Variants in SGCZ observed in about 807,000 individuals in gnomAD.
SGCZ encodes zeta-sarcoglycan.
In SGCZ, 40 loss-of-function variants were observed where a neutral mutation model predicts 41.3. That is an observed-to-expected ratio of 0.97 (90% CI 0.75 to 1.26). The LOEUF is 1.26. Among genes scored for constraint, SGCZ ranks in the 50% most tolerant of loss-of-function variants. The pLI is 0.00. For missense variants in SGCZ, 552 were observed against 369.8 expected (o/e 1.49, Z -4.04); for synonymous variants, 206 against 137.5 (o/e 1.50, Z -3.49).
At chr8:14,527,498 T>G (rs1185736853) in intron 2 of SGCZ, among the ~76,000 whole-genome samples, 1 of 152,086 alleles carries the variant, frequency 6.6e-6, no homozygotes, top group Non-Finnish European at 1.5e-5. Flanking sequence ...AGTGACAAGT[T>G]CTCACTATTT....
In SGCZ at chr8:15,015,627, G is replaced by T. The variant is rs577325285; in HGVS notation, c.39+221958C>A. ...GGCGTGAACCCGGGAGGCAGAGCTT[G>T]CAGTGAGCCGAAATCACGCCACTGC... On this transcript the variant is annotated intron_variant, in intron 1 of 7. Transcript: ENST00000382080. Among the ~76,000 whole-genome samples, 9 of 144,086 alleles carry T rather than the reference G, an allele frequency of 6.2e-5. No individual in the cohort carries two copies. The East Asian group carries it at 1.7e-3, about 27-fold the overall frequency. 94.5% of individuals were successfully genotyped at this position (144,086 alleles called of 152,430 possible). A position where few individuals can be genotyped will look rare whatever the true frequency, so the allele number is the denominator to read the frequency against.
At chr8:14,435,357 A>G (rs1304074074) in intron 2 of SGCZ, among the ~76,000 whole-genome samples, 4 of 152,146 alleles carry the variant, frequency 2.6e-5, no homozygotes, top group Non-Finnish European at 4.4e-5. Context: ...AGCAGAATCT[A>G]TTGTTCCAGT....
chr8:15,166,201 G>T (rs972966590), intron 1 of SGCZ, among the ~76,000 whole-genome samples: 1 of 150,732 alleles, frequency 6.6e-6, no homozygotes, highest in Non-Finnish European at 1.5e-5. Flanking sequence ...ACATGTTCAG[G>T]TACATGGGAT....
chr8:14,775,177 T>G (rs1800363262), intron 1 of SGCZ, among the ~76,000 whole-genome samples: 1 of 152,176 alleles, frequency 6.6e-6, no homozygotes, highest in Non-Finnish European at 1.5e-5. Flanking sequence ...ACTGTGTATA[T>G]GAATCACCTG....
At chr8:14,292,489 A>G (rs903065333) in intron 3 of SGCZ, among the ~76,000 whole-genome samples, 5 of 152,086 alleles carry the variant, frequency 3.3e-5, no homozygotes, top group African/African-American at 4.8e-5. Flanking sequence ...AGATCAACAA[A>G]GAATTCAACA....
At chr8:14,160,878 C>A (rs999235547) in intron 5 of SGCZ, among the ~76,000 whole-genome samples, 1 of 152,168 alleles carries the variant, frequency 6.6e-6, no homozygotes, top group Admixed American at 6.5e-5. Context: ...CATCCCTTGT[C>A]TAAATGAATC....
At chr8:14,247,463 A>G (rs1266181794) in intron 3 of SGCZ, among the ~76,000 whole-genome samples, 1 of 152,204 alleles carries the variant, frequency 6.6e-6, no homozygotes, top group African/African-American at 2.4e-5. Flanking sequence ...GTATCAGTCA[A>G]AAACCTCCAA....
chr8:14,862,075 GC>G (rs1803767926), intron 1 of SGCZ, among the ~76,000 whole-genome samples: 1 of 152,010 alleles, frequency 6.6e-6, no homozygotes, highest in Non-Finnish European at 1.5e-5. Flanking sequence ...TTTTCTTTTA[GC>G]AAAATAGTAT....
chr8:14,675,709 T>TA (rs1347530614), intron 1 of SGCZ, among the ~76,000 whole-genome samples: 1 of 152,194 alleles, frequency 6.6e-6, no homozygotes, highest in African/African-American at 2.4e-5. Context: ...CGTCTTGCCT[T>TA]AAACACCTGG....
At chr8:15,070,467 A>G (rs1292221083) in intron 1 of SGCZ, among the ~76,000 whole-genome samples, 1 of 152,200 alleles carries the variant, frequency 6.6e-6, no homozygotes, top group Non-Finnish European at 1.5e-5. Flanking sequence ...GAAAATCAAT[A>G]TATAATAATT....
rs184185691 is a variant in SGCZ, at chr8:14,459,967, C to G, written c.234+94765G>C. Among the ~76,000 whole-genome samples the G allele has an allele frequency of 2.4e-4, 37 of 152,130 alleles. 1 individual carries two copies. The highest frequency in any genetic ancestry group is 2.2e-3 in the Admixed American group (33 of 15,250). ...CCATAAATTGCAGAAGACTGAGACA[C>G]AACTAAACAGAACATGGGGTATGGA... On this transcript the variant is annotated intron_variant, in intron 2 of 7. Transcript: ENST00000382080.
At chr8:14,483,151 C>G (rs1244147540) in intron 2 of SGCZ, among the ~76,000 whole-genome samples, 1 of 152,096 alleles carries the variant, frequency 6.6e-6, no homozygotes, top group Non-Finnish European at 1.5e-5. Flanking sequence ...TCAGGCTTCC[C>G]TCAATAGCCT....
chr8:15,017,886 C>G (rs944835887), intron 1 of SGCZ, among the ~76,000 whole-genome samples: 1 of 152,152 alleles, frequency 6.6e-6, no homozygotes, highest in African/African-American at 2.4e-5. Context: ...ATGCTCTTAT[C>G]TCTTTGCAAT....
At chr8:14,109,985 A>G (rs180950359) in intron 5 of SGCZ, among the ~76,000 whole-genome samples, 3 of 152,238 alleles carry the variant, frequency 2.0e-5, no homozygotes, top group Admixed American at 6.5e-5. Context: ...GAGACTCTGT[A>G]GGACATATGG....
intron 1 of SGCZ, among the ~76,000 whole-genome samples, chr8:15,117,110 G>A (rs1054301595): frequency 6.6e-6 from 1 of 152,152 alleles, no homozygotes. Flanking sequence ...AGTGGCTCAT[G>A]CCTGTAATCC....
At chr8:14,092,773 A>T (rs1481237485) in intron 7 of SGCZ, among the ~76,000 whole-genome samples, 2 of 152,024 alleles carry the variant, frequency 1.3e-5, no homozygotes, top group African/African-American at 2.4e-5. Context: ...GTGTGAATAC[A>T]TTAATTGTCT....
At chr8:14,300,307 G>C (rs548992844) in intron 3 of SGCZ, among the ~76,000 whole-genome samples, 1 of 151,410 alleles carries the variant, frequency 6.6e-6, no homozygotes, top group African/African-American at 2.4e-5. Flanking sequence ...GGGAGGGAAG[G>C]AGGAAGGAAA....
chr8:14,127,128 G>A (rs1329274316), intron 5 of SGCZ, among the ~76,000 whole-genome samples: 1 of 152,042 alleles, frequency 6.6e-6, no homozygotes, highest in African/African-American at 2.4e-5. Context: ...AAACCTGCAC[G>A]TTCTGCACAT....
intron 1 of SGCZ, among the ~76,000 whole-genome samples, chr8:14,690,800 G>T (rs1808774749): frequency 6.6e-6 from 1 of 152,100 alleles, no homozygotes; most frequent in Admixed American, 6.5e-5. Flanking sequence ...TCAATTAAAA[G>T]TGTATTTGCT....
Sources: gnomAD v4.1 joint callset for allele counts (sites outside exome capture counted in the v4.1 genomes callset) on GRCh38, gnomAD v4.1.1 for gene constraint, MANE v1.5 for transcripts, NCBI Gene and HGNC (gene_info 2026-07-23, HGNC 2026-07-21) for gene names.